HMGB1: variants seen among roughly 807,000 people sequenced by gnomAD.
The protein encoded by HMGB1 is high mobility group protein B1.
For missense variants in HMGB1, 79 were observed against 253.5 expected (o/e 0.31, Z 4.67); for synonymous variants, 81 against 84.0 (o/e 0.96, Z 0.19).
At chr13:30,571,222 A>G (rs377427316) in intron 1 of HMGB1, among the ~76,000 whole-genome samples, 5 of 152,228 alleles carry the variant, frequency 3.3e-5, no homozygotes, top group Admixed American at 2.0e-4. Flanking sequence ...GAAACAATGT[A>G]GAAAGTTTGA....
chr13:30,591,464 C>T (rs563841830), intron 1 of HMGB1, among the ~76,000 whole-genome samples: 1 of 151,736 alleles, frequency 6.6e-6, no homozygotes, highest in Admixed American at 6.6e-5. Context: ...GAATTTTAAG[C>T]ACTCTACATT....
intron 1 of HMGB1, among the ~76,000 whole-genome samples, chr13:30,584,035 A>G: frequency 6.6e-6 from 1 of 151,890 alleles, no homozygotes. Flanking sequence ...GAATGAATGA[A>G]CAAAAAGAAA....
chr13:30,546,873 C>A (rs185767336), intron 1 of HMGB1, among the ~76,000 whole-genome samples: 1 of 152,194 alleles, frequency 6.6e-6, no homozygotes, highest in South Asian at 2.1e-4. Context: ...CTGAAGGCTC[C>A]CCTTTCTTGA....
chr13:30,571,123 T>C (rs1399936858), intron 1 of HMGB1, among the ~76,000 whole-genome samples: 1 of 152,184 alleles, frequency 6.6e-6, no homozygotes, highest in East Asian at 1.9e-4. Flanking sequence ...AAAATCTTAT[T>C]CTGATTAGGA....
intron 1 of HMGB1, among the ~76,000 whole-genome samples, chr13:30,545,340 C>T (rs926148328): frequency 2.7e-5 from 4 of 150,754 alleles, no homozygotes; most frequent in Non-Finnish European, 5.9e-5. Context: ...ATTAGAGTGC[C>T]GGCTGCTCTA....
intron 1 of HMGB1, among the ~76,000 whole-genome samples, chr13:30,536,630 G>C (rs891440521): frequency 6.6e-6 from 1 of 152,168 alleles, no homozygotes. Context: ...GATTACAGGC[G>C]TGAGCCACCA....
chr13:30,518,868 C>A (rs1376763658), intron 1 of HMGB1, among the ~76,000 whole-genome samples: 1 of 147,338 alleles, frequency 6.8e-6, no homozygotes, highest in Non-Finnish European at 1.5e-5. Context: ...AAAAAAGCTA[C>A]ATGCCACCAC....
intron 1 of HMGB1, among the ~76,000 whole-genome samples, chr13:30,523,907 G>A (rs183087029): frequency 6.6e-6 from 1 of 151,590 alleles, no homozygotes; most frequent in Admixed American, 6.6e-5. Flanking sequence ...TTCCCCCACT[G>A]TTTTTTTTGT....
chr13:30,465,058 G>GA (rs1388276749), intron 1 of HMGB1: 1,204 of 665,898 alleles, frequency 1.8e-3, no homozygotes, highest in Middle Eastern at 3.7e-3. Flanking sequence ...AAAGAGAGAG[G>GA]AAAAAAAAAG....
chr13:30,610,764 G>T (rs1031923516), intron 1 of HMGB1, among the ~76,000 whole-genome samples: 1 of 151,304 alleles, frequency 6.6e-6, no homozygotes, highest in Non-Finnish European at 1.5e-5. Context: ...GGAAGAAAAG[G>T]TCTATATTGC....
intron 1 of HMGB1, among the ~76,000 whole-genome samples, chr13:30,569,730 T>G (rs1593317978): frequency 6.6e-6 from 1 of 152,166 alleles, no homozygotes; most frequent in East Asian, 1.9e-4. Context: ...CAGAGTGCGC[T>G]CTCATGGATA....
chr13:30,601,907 G>A (rs60135048), intron 1 of HMGB1, among the ~76,000 whole-genome samples: 1 of 152,098 alleles, frequency 6.6e-6, no homozygotes, highest in South Asian at 2.1e-4. Context: ...TGACTTCTAA[G>A]ACTAGTCCTT....
chr13:30,503,221 G>A (rs1238701530), intron 1 of HMGB1, among the ~76,000 whole-genome samples: 2 of 152,088 alleles, frequency 1.3e-5, no homozygotes, highest in Non-Finnish European at 2.9e-5. Context: ...CCACATGCCT[G>A]TAGTGCCAGC....
At chr13:30,601,942 G>T (rs988786140) in intron 1 of HMGB1, among the ~76,000 whole-genome samples, 58 of 152,024 alleles carry the variant, frequency 3.8e-4, no homozygotes, top group African/African-American at 1.4e-3. Flanking sequence ...TTTTGCTTTT[G>T]CCCTCTTGGA....
intron 1 of HMGB1, among the ~76,000 whole-genome samples, chr13:30,609,732 C>A (rs963072924): frequency 3.3e-5 from 5 of 152,118 alleles, no homozygotes; most frequent in African/African-American, 1.2e-4. Flanking sequence ...AGTCTTTTAA[C>A]CCCCATCCAA....
At chr13:30,514,174 C>T (rs756628249) in intron 1 of HMGB1, among the ~76,000 whole-genome samples, 2 of 151,752 alleles carry the variant, frequency 1.3e-5, no homozygotes, top group Non-Finnish European at 2.9e-5. Flanking sequence ...TGGGAGTAAC[C>T]GTAGGATTTT....
rs11402797 is a variant in HMGB1 at position 30,522,736 on chromosome 13, CT to C, written c.-14-59043del. ...TATGAAGGCAAACAAGTCTAAAAGT[CT>C]TTTTTTTTTTTTGAGACAAGGTCTT... On this transcript the variant is annotated intron_variant, in intron 1 of 4. Transcript: ENST00000405805. 4.3e-3 allele frequency among the ~76,000 whole-genome samples: 638 copies of C among 146,670 alleles called. 7 individuals are homozygous for C. Among genetic ancestry groups the C allele is most frequent in the African/African-American group, 0.015 (587 of 40,098 alleles).
At chr13:30,511,266 A>C (rs1887986347) in intron 1 of HMGB1, among the ~76,000 whole-genome samples, 1 of 152,198 alleles carries the variant, frequency 6.6e-6, no homozygotes, top group Non-Finnish European at 1.5e-5. Flanking sequence ...TTTCATGTTG[A>C]AATGTCATCC....
At position 30,463,805 on chromosome 13, in the gene HMGB1, C is replaced by T. The variant is rs1886514257; in HGVS notation, c.-14-111G>A. On this transcript the variant is annotated intron_variant, in intron 1 of 4. Transcript: ENST00000341423. ...AAGTACTGGTTATTTAACACAGTAG[C>T]GACATCAACCTCCGTAAAATCAGAC... The T allele has an allele frequency of 9.2e-6, 6 of 650,454 alleles. No individual in the cohort carries two copies. The South Asian group carries it at 1.1e-4, about 12-fold the overall frequency. 40.3% of individuals were successfully genotyped at this position (650,454 alleles called of 1,614,324 possible).
Sources: allele counts gnomAD v4.1 joint callset (sites outside exome capture counted in the v4.1 genomes callset), GRCh38; gene constraint gnomAD v4.1.1; transcripts MANE v1.5; gene names NCBI Gene and HGNC (gene_info 2026-07-23, HGNC 2026-07-21).